CSMD1: variants seen among roughly 807,000 people sequenced by gnomAD.
CSMD1 encodes the protein CUB and Sushi multiple domains 1.
Under a neutral mutation model 417.5 loss-of-function variants are expected in CSMD1, and 213 were observed. The observed-to-expected ratio is 0.51, with a 90% CI of 0.46 to 0.57. The LOEUF (loss-of-function observed/expected upper bound fraction) is 0.57. Among genes scored for constraint, CSMD1 ranks in the 20% least tolerant of loss-of-function variants. CSMD1 has a pLI of 0.00. For synonymous variants in CSMD1, 2,862 were observed against 1,736.8 expected (o/e 1.65, Z -16.11); for missense variants, 6,923 against 4,529.7 (o/e 1.53, Z -15.17).
chr8:4,463,565 C>G (rs1301396186), intron 2 of CSMD1, among the ~76,000 whole-genome samples: 1 of 152,050 alleles, frequency 6.6e-6, no homozygotes, highest in Non-Finnish European at 1.5e-5. Flanking sequence ...TAAATAGGAT[C>G]CAGAAATACA....
At chr8:4,487,841 C>G (rs1176197481) in intron 2 of CSMD1, among the ~76,000 whole-genome samples, 1 of 152,116 alleles carries the variant, frequency 6.6e-6, no homozygotes, top group Admixed American at 6.5e-5. Context: ...CTAAACATGT[C>G]TTTATTTCCA....
rs764716006 is a variant in CSMD1, at chr8:3,406,147, C to T, written c.2146G>A (p.Gly716Arg). Residue 716 changes from glycine (G) to arginine (R), a missense_variant, in exon 15 of 70, where the codon GGG becomes AGG. Physicochemically the swap from Gly to Arg is moderately radical, Grantham distance 125. Transcript: ENST00000635120. ...TCACAGTGGAAAGAAACCGAGCTCC[C>T]GAGTAGAAACCTGTCACCAAAACGT... is the stretch of plus-strand genomic sequence containing the variant. ...GRRFGDRFLL[G>R]SSVSFHCDDG... The T allele has an allele frequency of 9.3e-6, 15 of 1,613,446 alleles. No individual in the cohort carries two copies. The highest frequency in any genetic ancestry group is 1.3e-5 in the African/African-American group (1 of 74,938).
chr8:2,998,114 A>G lies in CSMD1; in HGVS notation c.8274T>C (p.Asp2758=), dbSNP rs573841645. The change falls in exon 54 of 70, where the codon GAT becomes GAC. Residue 2758 remains aspartate (D), a synonymous_variant. Transcript: ENST00000635120. ...FTNGSEFNLN[D]VVNFTCNTGY... ...CCGTGTTGCAGGTGAAATTCACGAC[A>G]TCATTCAGGTTGAACTCACTGCCAT... The G allele has an allele frequency of 3.1e-6, 5 of 1,613,904 alleles. No homozygotes were observed. The highest frequency in any genetic ancestry group is 4.2e-6 in the Non-Finnish European group (5 of 1,179,892).
In CSMD1 at chr8:4,494,844, G is replaced by C. The variant is rs73496634; in HGVS notation, c.303-74779C>G. 4.6e-3 allele frequency among the ~76,000 whole-genome samples: 695 copies of C among 152,088 alleles called. 1 individual carries two copies. The highest frequency in any genetic ancestry group is 0.016 in the African/African-American group (649 of 41,470). ...GAATAAACTTAGAAAATAGAGTCAG[G>C]GTAGGTAGCAATTCTACCTGAAACA... On this transcript the variant is annotated intron_variant, in intron 2 of 69. Coordinates refer to ENST00000635120, the MANE Select transcript of CSMD1 (RefSeq NM_033225.6).
At chr8:3,646,936 C>T (rs1012104540) in intron 7 of CSMD1, among the ~76,000 whole-genome samples, 2 of 152,146 alleles carry the variant, frequency 1.3e-5, no homozygotes, top group Admixed American at 6.6e-5. Context: ...AAATTTAAAA[C>T]CTCAACAATG....
intron 54 of CSMD1, among the ~76,000 whole-genome samples, chr8:2,994,043 G>C (rs1407410966): frequency 6.7e-6 from 1 of 148,524 alleles, no homozygotes; most frequent in African/African-American, 2.5e-5. Flanking sequence ...CTACTTGAGA[G>C]GTTGAGGCAG....
chr8:3,316,878 C>T (rs894336), intron 23 of CSMD1, among the ~76,000 whole-genome samples: 1 of 151,714 alleles, frequency 6.6e-6, no homozygotes, highest in Non-Finnish European at 1.5e-5. Flanking sequence ...AAGCAATGTG[C>T]AATATGGACA....
chr8:3,799,044 T>C (rs1794513818), intron 5 of CSMD1, among the ~76,000 whole-genome samples: 1 of 152,064 alleles, frequency 6.6e-6, no homozygotes. Context: ...TAACAATCTT[T>C]GTATAGTATG....
At chr8:4,193,789 T>A (rs1228333999) in intron 3 of CSMD1, among the ~76,000 whole-genome samples, 1 of 151,926 alleles carries the variant, frequency 6.6e-6, no homozygotes, top group Non-Finnish European at 1.5e-5. Flanking sequence ...AGGGATGACA[T>A]CGAAGGATGC....
intron 5 of CSMD1, among the ~76,000 whole-genome samples, chr8:3,869,659 T>C (rs936693432): frequency 2.8e-4 from 43 of 152,104 alleles, no homozygotes; most frequent in African/African-American, 1.0e-3. Flanking sequence ...GCCTTTCTAG[T>C]TGCCACAGGA....
intron 3 of CSMD1, among the ~76,000 whole-genome samples, chr8:4,194,337 G>C (rs1409237402): frequency 6.6e-6 from 1 of 152,096 alleles, no homozygotes; most frequent in Non-Finnish European, 1.5e-5. Context: ...AGCTTCAGGA[G>C]AAAACCACAG....
At chr8:4,942,930 A>G (rs1808111213) in intron 1 of CSMD1, among the ~76,000 whole-genome samples, 1 of 152,230 alleles carries the variant, frequency 6.6e-6, no homozygotes, top group South Asian at 2.1e-4. Flanking sequence ...GGATTAGGTT[A>G]TAGATGATGG....
At chr8:4,299,871 T>C (rs4598268) in intron 3 of CSMD1, among the ~76,000 whole-genome samples, 137,927 of 152,154 alleles carry the variant, frequency 0.91, 63,032 homozygotes, top group East Asian at 1. Context: ...CTTCATGATC[T>C]GCCCACCTCA....
chr8:4,116,275 T>A (rs927764463), intron 3 of CSMD1, among the ~76,000 whole-genome samples: 7 of 151,952 alleles, frequency 4.6e-5, no homozygotes, highest in Non-Finnish European at 8.8e-5. Context: ...ATTACAAGTG[T>A]GAGCCACCGC....
At chr8:4,437,410 G>C (rs1585073280) in intron 2 of CSMD1, among the ~76,000 whole-genome samples, 1 of 152,126 alleles carries the variant, frequency 6.6e-6, no homozygotes. Context: ...AGCAAAGTGA[G>C]CCACATTTTC....
chr8:4,466,603 G>C (rs1432232129), intron 2 of CSMD1, among the ~76,000 whole-genome samples: 1 of 152,120 alleles, frequency 6.6e-6, no homozygotes, highest in Non-Finnish European at 1.5e-5. Context: ...TATTCTAAGA[G>C]TTCATAAGCC....
intron 51 of CSMD1, among the ~76,000 whole-genome samples, chr8:3,028,366 G>C (rs1202497341): frequency 6.6e-6 from 1 of 152,118 alleles, no homozygotes; most frequent in African/African-American, 2.4e-5. Context: ...TGACAAAGAG[G>C]AACGGCTCTG....
chr8:4,117,009 G>A (rs553608660), intron 3 of CSMD1, among the ~76,000 whole-genome samples: 2 of 151,820 alleles, frequency 1.3e-5, no homozygotes, highest in East Asian at 1.9e-4. Context: ...ATGGCCTGAC[G>A]CTTAACCTTT....
At chr8:3,525,706 C>G (rs565726740) in intron 10 of CSMD1, among the ~76,000 whole-genome samples, 3 of 152,160 alleles carry the variant, frequency 2.0e-5, no homozygotes, top group East Asian at 3.9e-4. Context: ...TCCTATGAAC[C>G]ACTCAGATTT....
Sources: gnomAD v4.1 joint callset for allele counts (sites outside exome capture counted in the v4.1 genomes callset) on GRCh38, gnomAD v4.1.1 for gene constraint, MANE v1.5 for transcripts, NCBI Gene and HGNC (gene_info 2026-07-23, HGNC 2026-07-21) for gene names.